The following PLA2G4E variants were observed in gnomAD, a reference collection of about 807,000 sequenced individuals.
PLA2G4E encodes the protein phospholipase A2 group IVE.
In PLA2G4E, 84 loss-of-function variants were observed where a neutral mutation model predicts 109.1. The observed-to-expected ratio is 0.77, with a 90% CI of 0.65 to 0.92. The LOEUF is 0.92. PLA2G4E is among the 40% of genes least tolerant of loss of function. The pLI is 0.00. For synonymous variants in PLA2G4E, 469 were observed against 436.1 expected, an observed-to-expected ratio of 1.08 and a Z score of -0.94; for missense variants, 1,057 against 1,076.6, an observed-to-expected ratio of 0.98 and a Z score of 0.25.
chr15:42,050,681 C>A (rs888534297), exon 1 of PLA2G4E: 6 of 1,550,226 alleles, frequency 3.9e-6, no homozygotes, highest in Middle Eastern at 1.7e-4. Flanking sequence ...GCCAGGACAG[C>A]CTTCCGAGGC....
chr15:42,000,663 T>A (rs536290489), intron 7 of PLA2G4E, among the ~76,000 whole-genome samples: 239 of 152,054 alleles, frequency 1.6e-3, no homozygotes, highest in African/African-American at 5.3e-3. Flanking sequence ...CCCTCCCTCA[T>A]GTCTGGTAGC....
intron 2 of PLA2G4E, chr15:42,008,914 A>G (rs1358586080): frequency 6.6e-6 from 1 of 152,218 alleles, no homozygotes; most frequent in Non-Finnish European, 1.5e-5. Context: ...TTTAATTATT[A>G]ATAGTCACTG....
At chr15:42,034,615 A>C (rs1215698388) in intron 1 of PLA2G4E, among the ~76,000 whole-genome samples, 1 of 152,182 alleles carries the variant, frequency 6.6e-6, no homozygotes, top group Non-Finnish European at 1.5e-5. Context: ...TTGGTTCAGG[A>C]ACAATTAAAT....
rs1371996626 is a variant in PLA2G4E, at chr15:41,984,511, G to C, written c.2311C>G (p.Pro771Ala). 1.9e-6 allele frequency: 3 copies of C among 1,613,954 alleles called. No individual in the cohort carries two copies. The highest frequency in any genetic ancestry group is 3.3e-5 in the Admixed American group (2 of 60,022). ...ACGATGGGGGCATCGGGTTCCTGGG[G>C]GTTCTCCATCAGGTAGCATTCCTTG... The change falls in exon 19 of 20, where the codon CCC (proline) becomes GCC (alanine). Residue 771 changes from proline (P) to alanine (A), a missense_variant. Pro to Ala is a conservative substitution (Grantham distance 27). Coordinates refer to ENST00000399518, the Ensembl canonical transcript of PLA2G4E.
intron 1 of PLA2G4E, among the ~76,000 whole-genome samples, chr15:42,048,551 G>A (rs1161991905): frequency 1.3e-5 from 2 of 152,182 alleles, no homozygotes; most frequent in Non-Finnish European, 2.9e-5. Flanking sequence ...AAAGACCAGG[G>A]GGCCATGGGT....
exon 9 of PLA2G4E, chr15:41,999,926 G>A: frequency 6.2e-7 from 1 of 1,609,642 alleles, no homozygotes; most frequent in Non-Finnish European, 8.5e-7. Context: ...CCACAGGCAG[G>A]GTCATCACCT....
chr15:42,030,713 C>G (rs1026123334), intron 1 of PLA2G4E, among the ~76,000 whole-genome samples: 8 of 152,222 alleles, frequency 5.3e-5, no homozygotes, highest in African/African-American at 1.9e-4. Flanking sequence ...TTCTGCTTCC[C>G]CCTCAGCCCA....
At chr15:42,014,464 T>C (rs1372134588) in intron 1 of PLA2G4E, among the ~76,000 whole-genome samples, 1 of 152,104 alleles carries the variant, frequency 6.6e-6, no homozygotes, top group Non-Finnish European at 1.5e-5. Context: ...TTATTGGCAC[T>C]CTCCTCCTAC....
chr15:41,998,556 G>A (rs1191547998), intron 10 of PLA2G4E: 3 of 152,154 alleles, frequency 2.0e-5, no homozygotes, highest in African/African-American at 4.8e-5. Flanking sequence ...AGAAATCATG[G>A]CCACTTGATT....
At chr15:41,987,089 T>C in intron 17 of PLA2G4E, 83 bp downstream of exon 17, 11 of 1,413,470 alleles carry the variant, frequency 7.8e-6, no homozygotes, top group Non-Finnish European at 9.9e-6. Context: ...AGTTTTCTTA[T>C]TCTTTATCCA....
chr15:42,048,268 G>C (rs1426964928), intron 1 of PLA2G4E, among the ~76,000 whole-genome samples: 1 of 152,156 alleles, frequency 6.6e-6, no homozygotes, highest in Non-Finnish European at 1.5e-5. Context: ...ACCTAGGTTT[G>C]TGTGCACACA....
At chr15:42,025,146 A>AGATT (rs1030468616) in intron 1 of PLA2G4E, among the ~76,000 whole-genome samples, 3 of 151,534 alleles carry the variant, frequency 2.0e-5, no homozygotes, top group Non-Finnish European at 2.9e-5. Context: ...CAGTGAGCCA[A>AGATT]GATTGCACCA....
At chr15:42,011,800 T>C (rs2068538635) in intron 2 of PLA2G4E, among the ~76,000 whole-genome samples, 1 of 152,066 alleles carries the variant, frequency 6.6e-6, no homozygotes, top group Admixed American at 6.6e-5. Flanking sequence ...CTGCTGTGGA[T>C]ATGTGGGAGC....
chr15:42,019,819 A>T (rs1368540394), intron 1 of PLA2G4E, among the ~76,000 whole-genome samples: 2 of 152,226 alleles, frequency 1.3e-5, no homozygotes, highest in Non-Finnish European at 2.9e-5. Flanking sequence ...AAATCCCGGC[A>T]CCAACATGGA....
intron 3 of PLA2G4E, among the ~76,000 whole-genome samples, chr15:42,006,578 G>C (rs947826571): frequency 6.6e-6 from 1 of 152,202 alleles, no homozygotes; most frequent in African/African-American, 2.4e-5. Context: ...AGGGAGTGAT[G>C]TGGCAAAGCT....
intron 15 of PLA2G4E, 44 bp from the exon 16 acceptor site, chr15:41,988,200 A>G (rs1346582884): frequency 7.0e-7 from 1 of 1,421,436 alleles, no homozygotes; most frequent in Non-Finnish European, 9.7e-7. Flanking sequence ...CTGCAGCCCC[A>G]GGCCCCACAC....
chr15:41,984,785 G>C (rs1271978069), intron 18 of PLA2G4E, among the ~76,000 whole-genome samples, 166 bp from the exon 19 acceptor site: 2 of 152,194 alleles, frequency 1.3e-5, no homozygotes, highest in African/African-American at 4.8e-5. Context: ...CAGGACAAAA[G>C]GCCCGAGGCA....
chr15:42,039,475 A>C (rs1210316775), intron 1 of PLA2G4E, among the ~76,000 whole-genome samples: 3 of 152,176 alleles, frequency 2.0e-5, no homozygotes, highest in Non-Finnish European at 4.4e-5. Context: ...TGATCAACAG[A>C]ATAGAATGAA....
exon 4 of PLA2G4E, chr15:42,006,035 G>A (rs1407556024): frequency 6.2e-7 from 1 of 1,614,018 alleles, no homozygotes; most frequent in Non-Finnish European, 8.5e-7. Flanking sequence ...TTCGGAAACA[G>A]AGCTTGGTGA....
Sources: allele counts gnomAD v4.1 joint callset (sites outside exome capture counted in the v4.1 genomes callset), GRCh38; gene constraint gnomAD v4.1.1; transcripts MANE v1.5; gene names NCBI Gene and HGNC (gene_info 2026-07-23, HGNC 2026-07-21).